The following CALN1 variants were observed in gnomAD, a reference collection of about 807,000 sequenced individuals.
CALN1 encodes calneuron 1, also known as calcium-binding protein 8.
CALN1 carries 17 observed loss-of-function variants against 30.6 expected under a neutral mutation model. That is an observed-to-expected ratio of 0.56 (90% CI 0.38 to 0.83). CALN1 has a LOEUF of 0.83. Ranked by LOEUF, CALN1 falls within the 40% of genes least tolerant of loss-of-function variation. The pLI, the probability that CALN1 is intolerant of heterozygous loss-of-function variation, is 0.00. For synonymous variants in CALN1, 156 were observed against 131.4 expected (o/e 1.19, Z -1.28); for missense variants, 291 against 354.9 (o/e 0.82, Z 1.45).
At chr7:71,858,542 CA>C (rs1791084642) in intron 5 of CALN1, among the ~76,000 whole-genome samples, 1 of 151,704 alleles carries the variant, frequency 6.6e-6, no homozygotes, top group Admixed American at 6.6e-5. Flanking sequence ...ACAATTTGCC[CA>C]CCTTGCCCAC....
intron 5 of CALN1, among the ~76,000 whole-genome samples, chr7:71,930,391 A>G (rs1795488004): frequency 2.0e-5 from 3 of 152,064 alleles, no homozygotes; most frequent in East Asian, 1.9e-4. Flanking sequence ...TGTATTTTTT[A>G]GATCGTTTGT....
the CALN1 span, among the ~76,000 whole-genome samples, chr7:72,498,042 A>G: frequency 6.6e-6 from 1 of 152,152 alleles, no homozygotes; most frequent in Non-Finnish European, 1.5e-5. Context: ...ATTTTTAAAA[A>G]CCATTACACA....
At chr7:72,384,343 A>G (rs1242291521) in intron 2 of CALN1, among the ~76,000 whole-genome samples, 1 of 152,226 alleles carries the variant, frequency 6.6e-6, no homozygotes, top group Non-Finnish European at 1.5e-5. Context: ...ACGTATGTTG[A>G]TTTCAACAAA....
chr7:71,971,135 C>T lies in CALN1; in HGVS notation c.501+52522G>A, dbSNP rs149873655. 3.9e-4 allele frequency among the ~76,000 whole-genome samples: 60 copies of T among 152,180 alleles called. No homozygotes were observed. The East Asian group carries it at 9.7e-3, about 25-fold the overall frequency. The stretch of plus-strand genomic sequence containing the variant: ...TAATGAGTGTGTCTGCTGGAAGGCA[C>T]GCTATAAAAAGAGGCCAAAGAAAGG... On this transcript the variant is annotated intron_variant, in intron 5 of 6. Transcript: ENST00000395275.
intron 5 of CALN1, among the ~76,000 whole-genome samples, chr7:71,873,246 A>T: frequency 6.6e-6 from 1 of 151,912 alleles, no homozygotes; most frequent in East Asian, 1.9e-4. Context: ...GACCTCAGGT[A>T]ATCTGTCTGT....
intron 5 of CALN1, among the ~76,000 whole-genome samples, chr7:71,873,214 G>C (rs1284383233): frequency 6.6e-6 from 1 of 151,878 alleles, no homozygotes; most frequent in Non-Finnish European, 1.5e-5. Flanking sequence ...ACGTTGGCCA[G>C]CCAGGCAGGT....
At chr7:72,208,814 A>C (rs1374254453) in intron 3 of CALN1, among the ~76,000 whole-genome samples, 2 of 152,216 alleles carry the variant, frequency 1.3e-5, no homozygotes, top group African/African-American at 4.8e-5. Flanking sequence ...CCTAAAATGC[A>C]AAAGCAGGAG....
At chr7:71,820,450 T>G (rs745307751) in intron 5 of CALN1, among the ~76,000 whole-genome samples, 6 of 152,214 alleles carry the variant, frequency 3.9e-5, no homozygotes, top group African/African-American at 7.2e-5. Context: ...CATTGGTCAT[T>G]TGTATTTGGC....
intron 2 of CALN1, among the ~76,000 whole-genome samples, chr7:72,400,909 G>A (rs1806294337): frequency 1.3e-5 from 2 of 152,064 alleles, no homozygotes; most frequent in African/African-American, 4.8e-5. Flanking sequence ...AAGTGATCTG[G>A]AGATGGAAGA....
chr7:71,963,597 G>A lies in CALN1; in HGVS notation c.501+60060C>T, dbSNP rs181974150. 2.8e-4 allele frequency among the ~76,000 whole-genome samples: 43 copies of A among 152,274 alleles called. 2 individuals carry two copies. The East Asian group carries it at 7.3e-3, about 26-fold the overall frequency. Reference sequence around the variant, plus strand: ...TGGGATTACAGGTATGAGCCACCGTGCCCAGCCTAGGAAACTTTTTCTCTT... The same window carrying A: ...TGGGATTACAGGTATGAGCCACCGTACCCAGCCTAGGAAACTTTTTCTCTT... On this transcript the variant is annotated intron_variant, in intron 5 of 6. Transcript: ENST00000395275.
intron 2 of CALN1, among the ~76,000 whole-genome samples, chr7:72,365,365 G>A (rs185628978): frequency 2.3e-3 from 352 of 152,222 alleles, no homozygotes; most frequent in Non-Finnish European, 3.8e-3. Context: ...TATATCTTCA[G>A]TATGTACAGA....
rs148546907 is a variant in CALN1 at position 71,960,906 on chromosome 7, T to A, written c.501+62751A>T. Among the ~76,000 whole-genome samples, 212 of 152,264 alleles carry A rather than the reference T, an allele frequency of 1.4e-3. 6 individuals are homozygous for A. The East Asian group carries it at 0.038, about 27-fold the overall frequency. The stretch of plus-strand genomic sequence containing the variant: ...ATCTCAGCTCATTGCAACCTCCACC[T>A]CCCAGGTTCAAGCGATTCTCGTGCC... On this transcript the variant is annotated intron_variant, in intron 5 of 6. Coordinates refer to ENST00000395275, the MANE Select transcript of CALN1 (RefSeq NM_031468.4).
intron 2 of CALN1, among the ~76,000 whole-genome samples, chr7:72,351,013 C>T (rs1223311377): frequency 6.6e-6 from 1 of 152,006 alleles, no homozygotes; most frequent in Non-Finnish European, 1.5e-5. Flanking sequence ...TGGTGGCAGG[C>T]ACCTATAAAC....
chr7:72,395,072 C>T (rs1316918346), intron 2 of CALN1, among the ~76,000 whole-genome samples: 1 of 152,180 alleles, frequency 6.6e-6, no homozygotes, highest in African/African-American at 2.4e-5. Context: ...TGTATCCTAA[C>T]ACATAAACTC....
chr7:71,971,953 A>AAAGAAAG (rs1797838934), intron 5 of CALN1, among the ~76,000 whole-genome samples: 65 of 72,780 alleles, frequency 8.9e-4, no homozygotes, highest in African/African-American at 2.5e-3. Context: ...AAAAAAAAAA[A>AAAGAAAG]AAAGAAAGAA....
intron 5 of CALN1, among the ~76,000 whole-genome samples, chr7:71,926,461 T>A (rs936168633): frequency 2.0e-5 from 3 of 152,172 alleles, no homozygotes; most frequent in Non-Finnish European, 4.4e-5. Flanking sequence ...GCAAACCCTA[T>A]CCATGCTTGT....
Position 72,434,065 on chromosome 7 carries a change from G to GA in CALN1, c.-226+12976dup, listed in dbSNP as rs796743589. ...AAAAAGTGAGACCCTGTTCCTGAAA[G>GA]AAAAAAAAAAAACTGCATATTGGAT... On this transcript the variant is annotated intron_variant, in intron 1 of 6. Transcript: ENST00000395276. Among the ~76,000 whole-genome samples, 790 of 139,878 alleles carry GA rather than the reference G, an allele frequency of 5.6e-3. 2 individuals carry two copies. The highest frequency in any genetic ancestry group is 0.012 in the African/African-American group (468 of 38,364). The allele number at this position is 139,878 out of a possible 152,430, so 91.8% of individuals were successfully genotyped here.
intron 3 of CALN1, among the ~76,000 whole-genome samples, chr7:72,151,153 G>A (rs1413268448): frequency 6.6e-6 from 1 of 152,116 alleles, no homozygotes; most frequent in African/African-American, 2.4e-5. Flanking sequence ...GAAGTCTATT[G>A]TCTCACTGTT....
the CALN1 span, among the ~76,000 whole-genome samples, chr7:72,474,856 T>A: frequency 6.6e-6 from 1 of 152,178 alleles, no homozygotes; most frequent in Non-Finnish European, 1.5e-5. Context: ...CTAAACACAC[T>A]GGCCTCTTCC....
Sources: allele counts gnomAD v4.1 joint callset (sites outside exome capture counted in the v4.1 genomes callset), GRCh38; gene constraint gnomAD v4.1.1; transcripts MANE v1.5; gene names NCBI Gene and HGNC (gene_info 2026-07-23, HGNC 2026-07-21).